SPTA1: variants seen among roughly 807,000 people sequenced by gnomAD.
SPTA1 encodes spectrin alpha, erythrocytic 1, also known as spectrin alpha chain, erythrocytic 1.
A neutral mutation model predicts 324.7 loss-of-function variants in SPTA1; 177 were observed. The observed-to-expected ratio is 0.55, with a 90% confidence interval of 0.48 to 0.62. The LOEUF is 0.62. Ranked by LOEUF, SPTA1 falls within the 20% of genes least tolerant of loss-of-function variation. The pLI is 0.00. For missense variants in SPTA1, 3,162 were observed against 2,883.6 expected (o/e 1.10, Z -2.21); for synonymous variants, 1,195 against 1,041.3 (o/e 1.15, Z -2.84).
chr1:158,686,159 A>G (rs1354426573), intron 1 of SPTA1, among the ~76,000 whole-genome samples: 1 of 152,168 alleles, frequency 6.6e-6, no homozygotes, highest in East Asian at 1.9e-4. Flanking sequence ...TATTCCTCCT[A>G]AGTATAATTG....
intron 3 of SPTA1, 151 bp from the exon 4 acceptor site, chr1:158,681,818 A>G: frequency 9.6e-7 from 1 of 1,040,890 alleles, no homozygotes; most frequent in Non-Finnish European, 1.4e-6. Context: ...AGGAAATAGG[A>G]TAGATATATG....
At position 158,669,784 on chromosome 1, in the gene SPTA1, A is replaced by T; in HGVS notation, c.1602T>A (p.Thr534=). 1 of 1,614,078 alleles carries T rather than the reference A, an allele frequency of 6.2e-7. No homozygotes were observed. The highest frequency in any genetic ancestry group is 8.5e-7 in the Non-Finnish European group (1 of 1,179,934). Residue 534 remains threonine, a splice_region_variant and synonymous_variant, in exon 13 of 52, where the codon ACT becomes ACA. Coordinates refer to ENST00000643759, the MANE Select transcript of SPTA1 (RefSeq NM_003126.4). The part of the protein sequence containing the change: ...AFTAQEEKII[T]VDKTATKLIG... The stretch of plus-strand genomic sequence containing the variant: ...TCAATTTGGTTGCAGTCTTGTCTAC[A>T]GTCTGAAAAAATAAAAATAAAAATG...
Position 158,673,991 on chromosome 1 carries a change from A to G in SPTA1, c.1350+338T>C, listed in dbSNP as rs141741774. Among the ~76,000 whole-genome samples the G allele has an allele frequency of 4.7e-3, 723 of 152,308 alleles. 7 individuals are homozygous for G. Among genetic ancestry groups the G allele is most frequent in the African/African-American group, 0.017 (686 of 41,574 alleles). On this transcript the variant is annotated intron_variant, in intron 10 of 51. Transcript: ENST00000643759. ...ATTCCCTAAATAATACGGTATAACAATTATTTACATAGCATTTACATTGTA... is the reference window on the plus strand; with the variant it reads ...ATTCCCTAAATAATACGGTATAACAGTTATTTACATAGCATTTACATTGTA...
chr1:158,657,539 T>G lies in SPTA1; in HGVS notation c.2743A>C (p.Ile915Leu). The G allele has an allele frequency of 6.2e-7, 1 of 1,614,094 alleles. No homozygotes were observed. The highest frequency in any genetic ancestry group is 8.5e-7 in the Non-Finnish European group (1 of 1,179,990). The change falls in exon 19 of 52, where the codon ATC becomes CTC. Residue 915 changes from isoleucine (I) to leucine (L), a missense_variant. By Grantham distance (5) the Ile-to-Leu change is conservative (BLOSUM62 2). Transcript: ENST00000643759. Reference sequence around the variant, plus strand: ...TCTACAATAGGTTCCTTCTCTCTGATCCATGTTTCTGCTTCATGCAGGTCA... The same window carrying G: ...TCTACAATAGGTTCCTTCTCTCTGAGCCATGTTTCTGCTTCATGCAGGTCA... ...LADLHEAETW[I>L]REKEPIVDNT...
intron 39 of SPTA1, among the ~76,000 whole-genome samples, chr1:158,632,649 G>T (rs1650765188): frequency 6.6e-6 from 1 of 152,052 alleles, no homozygotes; most frequent in Admixed American, 6.6e-5. Context: ...TAAAAGTAGT[G>T]ACAACACAGA....
chr1:158,674,827 C>G, intron 8 of SPTA1, 152 bp from the exon 9 acceptor site: 1 of 1,113,350 alleles, frequency 9.0e-7, no homozygotes, highest in Admixed American at 1.9e-5. Context: ...CTGTTATTTA[C>G]AGTCAGAGAT....
At position 158,653,292 on chromosome 1, in the gene SPTA1, T is replaced by C; in HGVS notation, c.3170A>G (p.Gln1057Arg). The C allele has an allele frequency of 6.2e-7, 1 of 1,614,168 alleles. No homozygotes were observed. Among genetic ancestry groups the C allele is most frequent in the South Asian group, 1.1e-5 (1 of 91,082 alleles). The change falls in exon 22 of 52, where the codon CAG (glutamine) becomes CGG (arginine). Residue 1057 changes from glutamine to arginine, a missense_variant. Transcript: ENST00000643759. The stretch of plus-strand genomic sequence containing the variant: ...AACTTACTGGTTCTCAATCTGCTCC[T>C]GGCGCTGGGTGATGTTTCCTGGCTC... ...REEPGNITQR[Q>R]EQIENQYRSL...
intron 25 of SPTA1, among the ~76,000 whole-genome samples, chr1:158,649,321 A>G (rs1352427728): frequency 6.6e-6 from 1 of 152,194 alleles, no homozygotes; most frequent in Non-Finnish European, 1.5e-5. Context: ...ACTCTGTTGC[A>G]ATAGGCTGGA....
intron 44 of SPTA1, 132 bp downstream of exon 44, chr1:158,620,038 T>A: frequency 8.1e-7 from 1 of 1,229,656 alleles, no homozygotes; most frequent in Non-Finnish European, 1.2e-6. Context: ...TCTTAGACAG[T>A]CATGTTTCAT....
intron 16 of SPTA1, among the ~76,000 whole-genome samples, 160 bp from the exon 17 acceptor site, chr1:158,663,105 A>G (rs12069836): frequency 1.6e-3 from 238 of 152,306 alleles, no homozygotes; most frequent in African/African-American, 5.4e-3. Context: ...AAGGGTTGCT[A>G]CACTGGGGAC....
At position 158,654,996 on chromosome 1, in the gene SPTA1, C is replaced by A. The variant is rs543248796; in HGVS notation, c.2899-248G>T. On this transcript the variant is annotated intron_variant, in intron 20 of 51. Transcript: ENST00000643759. ...AAGGAAATACATAATTTGTCAGAAACGTATTAAATGCTCTAAGCCATCAGT... is the reference window on the plus strand; with the variant it reads ...AAGGAAATACATAATTTGTCAGAAAAGTATTAAATGCTCTAAGCCATCAGT... Among the ~76,000 whole-genome samples the A allele has an allele frequency of 2.0e-5, 3 of 152,010 alleles. No individual in the cohort carries two copies. The East Asian group carries it at 5.8e-4, about 29-fold the overall frequency.
At chr1:158,671,243 G>C in intron 12 of SPTA1, 100 bp downstream of exon 12, 1 of 811,424 alleles carries the variant, frequency 1.2e-6, no homozygotes, top group East Asian at 2.6e-5. Context: ...CTCAGGCTAT[G>C]TCTGGTAGTT....
In SPTA1 at chr1:158,656,661, ATTT is replaced by A; in HGVS notation, c.2806-8_2806-6del. On this transcript the variant is annotated splice_polypyrimidine_tract_variant and splice_region_variant and intron_variant, in intron 19 of 51. Coordinates refer to ENST00000643759, the MANE Select transcript of SPTA1 (RefSeq NM_003126.4). The stretch of plus-strand genomic sequence containing the variant: ...CTCATGCTTCTTTAGAAGAGCCTGC[ATTT>A]ATTGATGGAAGATCATCAGAATGAA... The A allele has an allele frequency of 6.2e-7, 1 of 1,610,222 alleles. No individual in the cohort carries two copies. The highest frequency in any genetic ancestry group is 8.5e-7 in the Non-Finnish European group (1 of 1,176,952).
Position 158,657,616 on chromosome 1 carries a change from G to C in SPTA1, c.2666C>G (p.Ala889Gly), listed in dbSNP as rs2101878564. 6.2e-7 allele frequency: 1 copy of C among 1,614,092 alleles called. No individual in the cohort carries two copies. The highest frequency in any genetic ancestry group is 1.1e-5 in the South Asian group (1 of 91,084). ...GGCTTCAAGATCATTTTGTCGCCTA[G>C]CAGCTCGAGCACGGAGAGACTCCAT... ...QNMESLRARAARRQNDLEANV... is the reference protein window; with the variant it reads ...QNMESLRARAGRRQNDLEANV... The change falls in exon 19 of 52, where the codon GCT becomes GGT. Residue 889 changes from alanine to glycine, a missense_variant. Ala to Gly is a moderately conservative substitution (Grantham distance 60, BLOSUM62 0). Transcript: ENST00000643759.
chr1:158,644,340 G>A lies in SPTA1; in HGVS notation c.4251C>T (p.Ser1417=). 6.2e-7 allele frequency: 1 copy of A among 1,613,842 alleles called. No homozygotes were observed. The highest frequency in any genetic ancestry group is 8.5e-7 in the Non-Finnish European group (1 of 1,179,886). Reference sequence around the variant, plus strand: ...AGGAACTTTTGTCATCTGACCTCAGGGAATTCTCACGTGCCACCATCCAGC... The same window carrying A: ...AGGAACTTTTGTCATCTGACCTCAGAGAATTCTCACGTGCCACCATCCAGC... The part of the protein sequence containing the change: ...VESWMVAREN[S]LRSDDKSSLD... Residue 1417 remains serine (S), a synonymous_variant, in exon 30 of 52, where the codon TCC becomes TCT. Coordinates refer to ENST00000643759, the MANE Select transcript of SPTA1 (RefSeq NM_003126.4).
At chr1:158,662,269 A>G (rs985247238) in intron 17 of SPTA1, among the ~76,000 whole-genome samples, 1 of 152,186 alleles carries the variant, frequency 6.6e-6, no homozygotes, top group African/African-American at 2.4e-5. Context: ...CTGGTGAACT[A>G]GCAGCTTCTG....
intron 43 of SPTA1, among the ~76,000 whole-genome samples, chr1:158,621,906 C>T (rs545652015): frequency 1.3e-5 from 2 of 152,216 alleles, no homozygotes; most frequent in African/African-American, 4.8e-5. Flanking sequence ...CTCTGTCGCT[C>T]AGGCTGGAGT....
Position 158,642,814 on chromosome 1 carries a change from C to T in SPTA1, c.4605G>A (p.Gln1535=). 2 of 1,613,806 alleles carry T rather than the reference C, an allele frequency of 1.2e-6. No individual in the cohort carries two copies. The highest frequency in any genetic ancestry group is 2.7e-5 in the African/African-American group (2 of 74,982). ...DESYKDATNI[Q]RKYLKHQTFA... ...TCCAAGATTCCTATTTTGAACTTGCCTGAATGTTAGTGGCGTCTTTGTAGG... is the reference window on the plus strand; with the variant it reads ...TCCAAGATTCCTATTTTGAACTTGCTTGAATGTTAGTGGCGTCTTTGTAGG... Residue 1535 remains glutamine, a splice_region_variant and synonymous_variant, in exon 32 of 52, where the codon CAG becomes CAA. Coordinates refer to ENST00000643759, the MANE Select transcript of SPTA1 (RefSeq NM_003126.4).
intron 39 of SPTA1, among the ~76,000 whole-genome samples, chr1:158,633,719 G>A (rs1039292191): frequency 1.3e-5 from 2 of 151,216 alleles, no homozygotes; most frequent in African/African-American, 4.9e-5. Context: ...AGAAAGGGAA[G>A]CCTTTGAGAG....
Sources: allele counts gnomAD v4.1 joint callset (sites outside exome capture counted in the v4.1 genomes callset), GRCh38; gene constraint gnomAD v4.1.1; transcripts MANE v1.5; gene names NCBI Gene and HGNC (gene_info 2026-07-23, HGNC 2026-07-21).